UGT2B7: variants seen among roughly 807,000 people sequenced by gnomAD.
UGT2B7 encodes UDP-glucuronosyltransferase 2B7.
UGT2B7 carries 51 observed loss-of-function variants against 51.9 expected under a neutral mutation model. The ratio of observed to expected loss-of-function variants is 0.98; its 90% CI spans 0.78 to 1.24. The LOEUF (loss-of-function observed/expected upper bound fraction) is 1.24. Ranked by LOEUF, UGT2B7 falls within the 50% of genes most tolerant of loss-of-function variation. UGT2B7 has a pLI of 0.00. For synonymous variants in UGT2B7, 225 were observed against 211.6 expected (o/e 1.06, Z -0.55); for missense variants, 727 against 628.4 (o/e 1.16, Z -1.68).
At chr4:69,051,608 A>G (rs1286492952) in intron 1 of UGT2B7, 1 of 152,352 alleles carries the variant, frequency 6.6e-6, no homozygotes, top group Non-Finnish European at 1.5e-5. Context: ...ATTTGGTAAG[A>G]CTAGTCTTTG....
At position 69,098,604 on chromosome 4, in the gene UGT2B7, G is replaced by A. The variant is rs1312451626; in HGVS notation, c.786G>A (p.Trp262Ter). ...KADVWLIRNSWNFQFPYPLLP... is the reference protein window; with the variant it reads ...KADVWLIRNS ...ACGTATGGCTTATTCGAAACTCCTG[G>A]AATTTTCAGTTTCCATATCCACTCT... The change falls in exon 2 of 6, where the codon TGG becomes TGA. Residue 262 changes from tryptophan to a stop codon, truncating the protein, a stop_gained. Coordinates refer to ENST00000305231, the MANE Select transcript of UGT2B7 (RefSeq NM_001074.4). LOFTEE classifies it high-confidence loss of function. The A allele has an allele frequency of 3.7e-6, 6 of 1,612,116 alleles. No homozygotes were observed. Among genetic ancestry groups the A allele is most frequent in the East Asian group, 2.2e-5 (1 of 44,806 alleles).
At chr4:69,108,009 T>C in intron 4 of UGT2B7, 94 bp from the exon 5 acceptor site, 3 of 1,476,282 alleles carry the variant, frequency 2.0e-6, no homozygotes, top group Non-Finnish European at 2.8e-6. Context: ...TAGTTCAGTG[T>C]TTTAGCTGGA....
intron 1 of UGT2B7, among the ~76,000 whole-genome samples, chr4:69,066,821 G>A (rs1718492221): frequency 6.6e-6 from 1 of 151,972 alleles, no homozygotes; most frequent in Admixed American, 6.6e-5. Context: ...TCCTCCTAAT[G>A]TATAGATGTT....
At chr4:69,087,950 G>A (rs917736100) in intron 1 of UGT2B7, among the ~76,000 whole-genome samples, 43 of 151,896 alleles carry the variant, frequency 2.8e-4, no homozygotes, top group African/African-American at 7.5e-4. Context: ...AATTTGATTA[G>A]GGTACATGGA....
At chr4:69,094,129 C>CTT (rs71204074), upstream of UGT2B7, among the ~76,000 whole-genome samples, 87 of 54,108 alleles carry the variant, frequency 1.6e-3, 11 homozygotes, top group Middle Eastern at 0.03. Flanking sequence ...GTTTTGGTTT[C>CTT]TTTTTTTTTT....
intron 1 of UGT2B7, among the ~76,000 whole-genome samples, chr4:69,085,168 G>C (rs1718922883): frequency 6.6e-6 from 1 of 152,108 alleles, no homozygotes; most frequent in Non-Finnish European, 1.5e-5. Flanking sequence ...AATTCTAACT[G>C]GTGGGAGATG....
intron 1 of UGT2B7, among the ~76,000 whole-genome samples, chr4:69,064,019 G>A (rs1476726201): frequency 3.3e-5 from 2 of 60,152 alleles, no homozygotes; most frequent in Non-Finnish European, 6.8e-5. Flanking sequence ...AGATGAGATG[G>A]GAAAGAAAGA....
intron 1 of UGT2B7, among the ~76,000 whole-genome samples, chr4:69,080,896 A>G (rs867753497): frequency 9.2e-5 from 14 of 152,252 alleles, no homozygotes; most frequent in Middle Eastern, 3.4e-3. Context: ...TTCTCTACAT[A>G]CCATTAATGA....
chr4:69,067,819 T>C lies in UGT2B7; in HGVS notation c.-159+16217T>C, dbSNP rs141590136. Among the ~76,000 whole-genome samples the C allele has an allele frequency of 4.0e-3, 607 of 152,224 alleles. 2 individuals are homozygous for C. Among genetic ancestry groups the C allele is most frequent in the African/African-American group, 0.014 (583 of 41,556 alleles). ...TTTAATGGAAACATTTGTCAGAGGT[T>C]TTAGGATAGTGCATAAGTTCTAAAA... On this transcript the variant is annotated intron_variant, in intron 1 of 5. Coordinates refer to the UGT2B7 transcript ENST00000502942.
intron 2 of UGT2B7, among the ~76,000 whole-genome samples, 197 bp downstream of exon 2, chr4:69,098,885 G>C (rs530944020): frequency 1.3e-5 from 2 of 152,010 alleles, no homozygotes; most frequent in Non-Finnish European, 2.9e-5. Flanking sequence ...ATTACAAATA[G>C]AGAGGAATAC....
chr4:69,104,558 T>C (rs1411683044), intron 3 of UGT2B7, among the ~76,000 whole-genome samples: 2 of 152,256 alleles, frequency 1.3e-5, no homozygotes, highest in East Asian at 3.9e-4. Flanking sequence ...AAATCAAAAA[T>C]ATACATTAAC....
chr4:69,104,232 A>G (rs1398918625), intron 3 of UGT2B7, among the ~76,000 whole-genome samples: 2 of 152,246 alleles, frequency 1.3e-5, no homozygotes, highest in East Asian at 3.9e-4. Flanking sequence ...GGTTGCAGTG[A>G]GCCAAGATCA....
At chr4:69,108,012 T>C (rs541946259) in intron 4 of UGT2B7, 91 bp from the exon 5 acceptor site, 40 of 1,486,376 alleles carry the variant, frequency 2.7e-5, no homozygotes, top group Non-Finnish European at 3.5e-5. Context: ...TTCAGTGTTT[T>C]AGCTGGAAAA....
At chr4:69,057,075 C>T (rs1247337511) in intron 1 of UGT2B7, among the ~76,000 whole-genome samples, 2 of 152,318 alleles carry the variant, frequency 1.3e-5, no homozygotes, top group South Asian at 2.1e-4. Flanking sequence ...TATAGAAGAA[C>T]ATGGTGAAAC....
intron 1 of UGT2B7, among the ~76,000 whole-genome samples, chr4:69,052,849 C>A (rs60212682): frequency 5.9e-5 from 9 of 151,804 alleles, no homozygotes; most frequent in Admixed American, 2.6e-4. Context: ...TAAAACATAC[C>A]TTTGGTAAAA....
intron 1 of UGT2B7, among the ~76,000 whole-genome samples, chr4:69,052,434 T>C (rs1170731416): frequency 6.6e-6 from 1 of 151,882 alleles, no homozygotes; most frequent in Non-Finnish European, 1.5e-5. Context: ...ACTTACAAGG[T>C]TTTCAACAAA....
chr4:69,065,447 C>A (rs890917398), intron 1 of UGT2B7, among the ~76,000 whole-genome samples: 2 of 152,140 alleles, frequency 1.3e-5, no homozygotes, highest in Non-Finnish European at 2.9e-5. Context: ...AATTTAGCAT[C>A]ATCACAATTT....
intron 1 of UGT2B7, among the ~76,000 whole-genome samples, chr4:69,058,670 G>A (rs1219258802): frequency 6.6e-6 from 1 of 152,176 alleles, no homozygotes; most frequent in African/African-American, 2.4e-5. Context: ...GGGGATATCA[G>A]GCAAAAATTG....
At chr4:69,083,323 A>G (rs547166409) in intron 1 of UGT2B7, among the ~76,000 whole-genome samples, 1 of 152,224 alleles carries the variant, frequency 6.6e-6, no homozygotes, top group East Asian at 1.9e-4. Context: ...ACATTTTATA[A>G]TGCTATTGTT....
Sources: allele counts gnomAD v4.1 joint callset (sites outside exome capture counted in the v4.1 genomes callset), GRCh38; gene constraint gnomAD v4.1.1; transcripts MANE v1.5; gene names NCBI Gene and HGNC (gene_info 2026-07-23, HGNC 2026-07-21).